PPP3CA: variants seen among roughly 807,000 people sequenced by gnomAD.
The protein encoded by PPP3CA is protein phosphatase 3 catalytic subunit alpha.
A neutral mutation model predicts 66.5 loss-of-function variants in PPP3CA; 14 were observed. The observed-to-expected ratio is 0.21, with a 90% CI of 0.14 to 0.33. The LOEUF (loss-of-function observed/expected upper bound fraction) is 0.33, where lower values mean the gene tolerates loss of function less well. Among genes scored for constraint, PPP3CA ranks in the 10% least tolerant of loss-of-function variants. The pLI is 1.00. For missense variants in PPP3CA, 317 were observed against 639.5 expected, an observed-to-expected ratio of 0.50 and a Z score of 5.44; for synonymous variants, 232 against 226.2, an observed-to-expected ratio of 1.03 and a Z score of -0.23.
intron 8 of PPP3CA, among the ~76,000 whole-genome samples, chr4:101,076,243 A>G (rs1283869858): frequency 5.3e-5 from 8 of 151,876 alleles, no homozygotes; most frequent in Non-Finnish European, 1.2e-4. Context: ...ATTTAAAGTG[A>G]GATAAAGATC....
intron 12 of PPP3CA, among the ~76,000 whole-genome samples, chr4:101,031,888 C>T (rs139435761): frequency 2.7e-3 from 406 of 152,268 alleles, no homozygotes; most frequent in African/African-American, 9.2e-3. Context: ...TGTGTTATCT[C>T]ATAAATGAAA....
chr4:101,282,997 T>C (rs1727734435), intron 1 of PPP3CA, among the ~76,000 whole-genome samples: 2 of 152,210 alleles, frequency 1.3e-5, no homozygotes, highest in East Asian at 1.9e-4. Flanking sequence ...AGAGTTAATT[T>C]TATAGGTTCA....
At chr4:101,084,731 TG>T (rs2110241938) in intron 6 of PPP3CA, among the ~76,000 whole-genome samples, 1 of 152,206 alleles carries the variant, frequency 6.6e-6, no homozygotes, top group African/African-American at 2.4e-5. Context: ...GATCTGAAAC[TG>T]AAAACAGTCT....
chr4:101,181,889 G>A (rs10050301), intron 2 of PPP3CA, among the ~76,000 whole-genome samples: 67,542 of 151,842 alleles, frequency 0.44, 17,925 homozygotes, highest in Middle Eastern at 0.65. Flanking sequence ...GAAGCCTATC[G>A]AAATCAAAAT....
At chr4:101,176,709 A>G (rs1307900608) in intron 2 of PPP3CA, among the ~76,000 whole-genome samples, 2 of 152,204 alleles carry the variant, frequency 1.3e-5, no homozygotes, top group African/African-American at 4.8e-5. Context: ...CTTGAGAACA[A>G]TCAAGATAGA....
intron 1 of PPP3CA, among the ~76,000 whole-genome samples, chr4:101,295,754 T>C (rs1029175427): frequency 2.0e-5 from 3 of 152,256 alleles, no homozygotes; most frequent in Non-Finnish European, 4.4e-5. Flanking sequence ...AGGCATTACC[T>C]ACTGTCATGA....
chr4:101,268,804 GA>G (rs953848364), intron 1 of PPP3CA, among the ~76,000 whole-genome samples: 20 of 151,590 alleles, frequency 1.3e-4, no homozygotes, highest in Admixed American at 9.9e-4. Flanking sequence ...GATAATATGG[GA>G]AAAAAAAGTC....
At chr4:101,212,772 C>T (rs559543137) in intron 1 of PPP3CA, among the ~76,000 whole-genome samples, 507 of 151,872 alleles carry the variant, frequency 3.3e-3, no homozygotes, top group South Asian at 6.7e-3. Flanking sequence ...AACTACTGGG[C>T]TTTTCCAAGA....
intron 1 of PPP3CA, among the ~76,000 whole-genome samples, chr4:101,277,409 T>C (rs982772806): frequency 7.2e-5 from 11 of 152,176 alleles, no homozygotes; most frequent in African/African-American, 2.7e-4. Flanking sequence ...TAGGTAAATA[T>C]CAAAAAACGC....
chr4:101,026,641 C>T (rs528655470), intron 13 of PPP3CA, among the ~76,000 whole-genome samples: 39 of 140,480 alleles, frequency 2.8e-4, no homozygotes, highest in Admixed American at 4.2e-4. Flanking sequence ...ACAAGCAACT[C>T]AATGATGACA....
chr4:101,308,791 A>G (rs1347016063), intron 1 of PPP3CA, among the ~76,000 whole-genome samples: 1 of 152,188 alleles, frequency 6.6e-6, no homozygotes, highest in Non-Finnish European at 1.5e-5. Context: ...AAATTTCATA[A>G]TTCAAGTAAA....
In PPP3CA at chr4:101,297,812, T is replaced by C. The variant is rs1039487857; in HGVS notation, c.58+48927A>G. ...ACATGTATTTAAACTGAAAATCTGCTGCAAACTGTTTCTCTCATGTTGAAA... is the reference window on the plus strand; with the variant it reads ...ACATGTATTTAAACTGAAAATCTGCCGCAAACTGTTTCTCTCATGTTGAAA... On this transcript the variant is annotated intron_variant, in intron 1 of 13. Coordinates refer to ENST00000394854, the MANE Select transcript of PPP3CA (RefSeq NM_000944.5). Among the ~76,000 whole-genome samples, 4 of 152,366 alleles carry C rather than the reference T, an allele frequency of 2.6e-5. 1 individual carries two copies. Among genetic ancestry groups the C allele is most frequent in the Admixed American group, 6.5e-5 (1 of 15,302 alleles).
intron 11 of PPP3CA, among the ~76,000 whole-genome samples, chr4:101,037,827 T>C (rs2110209251): frequency 6.6e-6 from 1 of 152,330 alleles, no homozygotes; most frequent in Non-Finnish European, 1.5e-5. Context: ...TTCAGTCTCC[T>C]TTTAAACTAG....
chr4:101,121,257 A>G (rs773967703), intron 2 of PPP3CA, among the ~76,000 whole-genome samples: 19 of 152,118 alleles, frequency 1.2e-4, no homozygotes, highest in Non-Finnish European at 2.2e-4. Flanking sequence ...TATGTATTTG[A>G]TAAGTTATTA....
chr4:101,297,339 C>T (rs1728228700), intron 1 of PPP3CA, among the ~76,000 whole-genome samples: 1 of 152,214 alleles, frequency 6.6e-6, no homozygotes, highest in Non-Finnish European at 1.5e-5. Flanking sequence ...AATGAAGAAC[C>T]TGACACATGG....
chr4:101,106,378 A>G (rs1027405412), intron 3 of PPP3CA, among the ~76,000 whole-genome samples: 3 of 3,068 alleles, frequency 9.8e-4, no homozygotes, highest in South Asian at 9.3e-3. Context: ...GAGAGAAAAG[A>G]AAGAAAGAAA....
intron 1 of PPP3CA, among the ~76,000 whole-genome samples, chr4:101,215,818 C>G (rs1356747730): frequency 6.6e-6 from 1 of 152,068 alleles, no homozygotes; most frequent in Non-Finnish European, 1.5e-5. Flanking sequence ...CACTACTAAT[C>G]TATTTTCAAT....
intron 2 of PPP3CA, among the ~76,000 whole-genome samples, chr4:101,172,184 G>T (rs1032643925): frequency 6.6e-6 from 1 of 152,024 alleles, no homozygotes; most frequent in Admixed American, 6.6e-5. Context: ...TATTGTAAGG[G>T]AAAAAATCCT....
Position 101,298,945 on chromosome 4 carries a change from A to G in PPP3CA, c.58+47794T>C, listed in dbSNP as rs559924456. The stretch of plus-strand genomic sequence containing the variant: ...GCTCTGAGAAATGTATAATTGGGCA[A>G]TTTTGTCATTGTGCGAACATTAGAG... On this transcript the variant is annotated intron_variant, in intron 1 of 13. Transcript: ENST00000394854. 2.7e-5 allele frequency among the ~76,000 whole-genome samples: 4 copies of G among 150,504 alleles called. No homozygotes were observed. The East Asian group carries it at 7.8e-4, about 29-fold the overall frequency.
Sources: allele counts gnomAD v4.1 joint callset (sites outside exome capture counted in the v4.1 genomes callset), GRCh38; gene constraint gnomAD v4.1.1; transcripts MANE v1.5; gene names NCBI Gene and HGNC (gene_info 2026-07-23, HGNC 2026-07-21).